NWD1: variants seen among roughly 807,000 people sequenced by gnomAD.
NWD1 encodes the protein NACHT and WD repeat domain containing 1.
A neutral mutation model predicts 135.1 loss-of-function variants in NWD1; 129 were observed. That is an observed-to-expected ratio of 0.96 (90% confidence interval 0.83 to 1.11). The LOEUF is 1.11. Ranked by LOEUF, NWD1 falls within the 50% of genes least tolerant of loss-of-function variation. NWD1 has a pLI of 0.00. For missense variants in NWD1, 1,740 were observed against 1,851.3 expected (o/e 0.94, Z 1.10); for synonymous variants, 773 against 786.0 (o/e 0.98, Z 0.28).
At chr19:16,761,926 C>T (rs1969028058) in intron 7 of NWD1, 53 bp from the exon 8 acceptor site, 1 of 1,524,728 alleles carries the variant, frequency 6.6e-7, no homozygotes, top group Non-Finnish European at 9.0e-7. Flanking sequence ...AAGCAGCCAC[C>T]TTTGAGCTTG....
intron 17 of NWD1, among the ~76,000 whole-genome samples, chr19:16,804,319 G>T (rs559590630): frequency 2.0e-5 from 3 of 152,144 alleles, no homozygotes; most frequent in African/African-American, 7.2e-5. Context: ...GGTGGCTCAT[G>T]CCTGTAATCC....
intron 4 of NWD1, among the ~76,000 whole-genome samples, chr19:16,738,657 TA>T (rs1469986508): frequency 1.4e-5 from 2 of 147,230 alleles, no homozygotes; most frequent in Non-Finnish European, 3.0e-5. Context: ...GTCCCAACAT[TA>T]TAACGAAAGA....
intron 3 of NWD1, among the ~76,000 whole-genome samples, chr19:16,735,150 C>T (rs1967740045): frequency 6.6e-6 from 1 of 152,140 alleles, no homozygotes. Context: ...ACCCCACACT[C>T]TGTGTCTCCT....
chr19:16,774,795 C>A (rs948628706), intron 11 of NWD1, among the ~76,000 whole-genome samples: 4 of 151,904 alleles, frequency 2.6e-5, no homozygotes, highest in African/African-American at 9.7e-5. Flanking sequence ...AGTCATCCAC[C>A]CCTCTACCCA....
intron 1 of NWD1, among the ~76,000 whole-genome samples, chr19:16,723,590 G>T (rs144616905): frequency 2.4e-4 from 36 of 152,272 alleles, no homozygotes; most frequent in Admixed American, 9.8e-4. Context: ...GAGATTACAG[G>T]CATGAGCCAC....
chr19:16,759,710 C>G (rs1968935366), intron 7 of NWD1, among the ~76,000 whole-genome samples: 1 of 152,004 alleles, frequency 6.6e-6, no homozygotes, highest in Non-Finnish European at 1.5e-5. Context: ...GGCCCCATCT[C>G]TACAAAAAAA....
At chr19:16,754,269 A>C (rs1351216048) in intron 6 of NWD1, among the ~76,000 whole-genome samples, 5 of 129,278 alleles carry the variant, frequency 3.9e-5, no homozygotes, top group African/African-American at 1.5e-4. Flanking sequence ...TCTATCCATC[A>C]TCTCTATATT....
chr19:16,813,264 A>C (rs1192607824), intron 18 of NWD1, among the ~76,000 whole-genome samples: 1 of 152,132 alleles, frequency 6.6e-6, no homozygotes, highest in Non-Finnish European at 1.5e-5. Context: ...ACATCACTAC[A>C]TTCCAGCATA....
At chr19:16,732,858 T>C (rs1341054881) in intron 3 of NWD1, among the ~76,000 whole-genome samples, 1 of 151,700 alleles carries the variant, frequency 6.6e-6, no homozygotes, top group Non-Finnish European at 1.5e-5. Context: ...ATCTTTGGAG[T>C]CTCAGCTTAA....
chr19:16,722,767 TAGAG>T (rs931133016), intron 1 of NWD1, among the ~76,000 whole-genome samples: 1 of 151,434 alleles, frequency 6.6e-6, no homozygotes, highest in African/African-American at 2.4e-5. Context: ...CAACATGACT[TAGAG>T]AGGGAGCTTT....
chr19:16,727,093 T>C (rs1967359047), intron 2 of NWD1, among the ~76,000 whole-genome samples: 2 of 152,122 alleles, frequency 1.3e-5, no homozygotes, highest in Admixed American at 6.6e-5. Context: ...TCCCAGCCTC[T>C]CCTCTGCACA....
rs755845600 is a variant in NWD1 at position 16,765,014 on chromosome 19, TC to T, written c.2252-14del. ...AGGGAGGTAGGCACTTCCCACATCC[TC>T]CCCCCTTCTCTCCCTCAGGCAGCAT... On this transcript the variant is annotated intron_variant, in intron 9 of 18. Coordinates refer to ENST00000524140, the MANE Select transcript of NWD1 (RefSeq NM_001007525.5). 1.9e-5 allele frequency: 30 copies of T among 1,613,080 alleles called. No individual in the cohort carries two copies. The South Asian group carries it at 3.3e-4, about 18-fold the overall frequency.
At chr19:16,755,686 C>G (rs1968764912) in intron 6 of NWD1, among the ~76,000 whole-genome samples, 1 of 95,946 alleles carries the variant, frequency 1.0e-5, no homozygotes, top group Non-Finnish European at 2.2e-5. Context: ...CCACATCCAG[C>G]CTTATTTATT....
chr19:16,784,360 G>A (rs138057083), intron 12 of NWD1, among the ~76,000 whole-genome samples: 58 of 152,056 alleles, frequency 3.8e-4, no homozygotes, highest in African/African-American at 1.2e-3. Flanking sequence ...AGCCAGACCC[G>A]TATCTCTAAA....
intron 13 of NWD1, among the ~76,000 whole-genome samples, chr19:16,790,582 G>A (rs1970205827): frequency 6.7e-6 from 1 of 150,174 alleles, no homozygotes; most frequent in Non-Finnish European, 1.5e-5. Context: ...GTATACCTAT[G>A]TAACAAACCT....
intron 4 of NWD1, among the ~76,000 whole-genome samples, chr19:16,741,865 C>T (rs562393268): frequency 3.5e-3 from 533 of 151,942 alleles, no homozygotes; most frequent in Middle Eastern, 6.8e-3. Flanking sequence ...AATCCCAGAA[C>T]GTTGGGAGGC....
intron 4 of NWD1, among the ~76,000 whole-genome samples, chr19:16,743,258 T>C (rs569255596): frequency 2.0e-5 from 3 of 151,628 alleles, no homozygotes; most frequent in Non-Finnish European, 4.4e-5. Context: ...TCCCCCAGGC[T>C]GGAGTGCAGT....
At chr19:16,745,228 A>T (rs1968261292) in intron 5 of NWD1, 1 of 367,596 alleles carries the variant, frequency 2.7e-6, no homozygotes, top group Non-Finnish European at 5.4e-6. Flanking sequence ...CACTACCACG[A>T]GAACAGTATG....
intron 10 of NWD1, among the ~76,000 whole-genome samples, chr19:16,767,998 T>C (rs1969287328): frequency 7.2e-6 from 1 of 138,376 alleles, no homozygotes; most frequent in Admixed American, 7.2e-5. Context: ...TTTTTTTTTT[T>C]TTTTTTTTTG....
Sources: allele counts gnomAD v4.1 joint callset (sites outside exome capture counted in the v4.1 genomes callset), GRCh38; gene constraint gnomAD v4.1.1; transcripts MANE v1.5; gene names NCBI Gene and HGNC (gene_info 2026-07-23, HGNC 2026-07-21).